Variants in CCDC3 observed in about 807,000 individuals in gnomAD.
The protein encoded by CCDC3 is coiled-coil domain containing 3, also known as coiled-coil domain-containing protein 3.
A neutral mutation model predicts 21.4 loss-of-function variants in CCDC3; 24 were observed. The ratio of observed to expected loss-of-function variants is 1.12; its 90% CI spans 0.81 to 1.58. The LOEUF (loss-of-function observed/expected upper bound fraction) is 1.58. Ranked by LOEUF, CCDC3 falls within the 40% of genes most tolerant of loss-of-function variation. CCDC3 has a pLI of 0.00. For synonymous variants in CCDC3, 186 were observed against 166.0 expected, an observed-to-expected ratio of 1.12 and a Z score of -0.93; for missense variants, 425 against 360.9, an observed-to-expected ratio of 1.18 and a Z score of -1.44.
At chr10:12,923,899 A>C (rs1271343050) in intron 2 of CCDC3, among the ~76,000 whole-genome samples, 1 of 152,204 alleles carries the variant, frequency 6.6e-6, no homozygotes, top group African/African-American at 2.4e-5. Flanking sequence ...TCTGAACTCG[A>C]CACTCCAACC....
chr10:13,012,465 T>G (rs902916328), intron 5 of CCDC3, among the ~76,000 whole-genome samples: 23 of 152,162 alleles, frequency 1.5e-4, no homozygotes, highest in Admixed American at 5.2e-4. Context: ...ATTAGAGAAA[T>G]GCAAATCAAA....
chr10:12,978,265 C>T (rs770101629), intron 2 of CCDC3, among the ~76,000 whole-genome samples: 1 of 152,042 alleles, frequency 6.6e-6, no homozygotes, highest in African/African-American at 2.4e-5. Flanking sequence ...GTGATCCACA[C>T]GCCTCAGCCT....
At chr10:12,913,394 G>C (rs1005901675) in intron 2 of CCDC3, among the ~76,000 whole-genome samples, 2 of 152,138 alleles carry the variant, frequency 1.3e-5, no homozygotes, top group Non-Finnish European at 2.9e-5. Flanking sequence ...TTCATTGTTA[G>C]TGCATAGAAA....
intron 2 of CCDC3, among the ~76,000 whole-genome samples, chr10:12,975,066 G>T (rs1835395695): frequency 6.6e-6 from 1 of 152,184 alleles, no homozygotes; most frequent in Non-Finnish European, 1.5e-5. Flanking sequence ...GCAAAGCCAG[G>T]AGTCTCGTCC....
At chr10:13,046,961 AAG>A (rs918265842) in intron 5 of CCDC3, among the ~76,000 whole-genome samples, 6 of 151,230 alleles carry the variant, frequency 4.0e-5, no homozygotes, top group Non-Finnish European at 7.4e-5. Context: ...AAAAAAAAAA[AAG>A]AAGAAGCCAA....
At chr10:12,973,033 G>T (rs745906279) in intron 2 of CCDC3, among the ~76,000 whole-genome samples, 12 of 152,110 alleles carry the variant, frequency 7.9e-5, no homozygotes, top group Non-Finnish European at 1.8e-4. Flanking sequence ...CCTTGCTTTT[G>T]AAACTGTTGT....
At chr10:13,061,191 C>T (rs1294862580) in intron 4 of CCDC3, among the ~76,000 whole-genome samples, 2 of 152,120 alleles carry the variant, frequency 1.3e-5, no homozygotes, top group Non-Finnish European at 2.9e-5. Context: ...TATGGATTTT[C>T]CAGCCATTCT....
chr10:12,933,426 G>C (rs1002868206), intron 2 of CCDC3, among the ~76,000 whole-genome samples: 17 of 151,228 alleles, frequency 1.1e-4, no homozygotes, highest in African/African-American at 4.1e-4. Flanking sequence ...TATCAGATTG[G>C]TGGGCATAGA....
intron 5 of CCDC3, among the ~76,000 whole-genome samples, chr10:13,045,443 C>A (rs965058940): frequency 6.6e-6 from 1 of 152,010 alleles, no homozygotes; most frequent in African/African-American, 2.4e-5. Context: ...TCCTGGCTAA[C>A]AAAGTGAAAC....
In CCDC3 at chr10:12,915,186, TTTCTGGTTTC is replaced by T. The variant is rs1834332310; in HGVS notation, c.550-16517_550-16508del. Among the ~76,000 whole-genome samples, 5 of 152,326 alleles carry T rather than the reference TTTCTGGTTTC, an allele frequency of 3.3e-5. No individual in the cohort carries two copies. In the South Asian group the frequency reaches 1.0e-3, roughly 32 times the overall value. ...AGAATTTTTCTGAAACCAGAATTGA[TTTCTGGTTTC>T]AAACGATTGTGGTTAAAAAAGATAC... On this transcript the variant is annotated intron_variant, in intron 2 of 2. Coordinates refer to ENST00000378825, the MANE Select transcript of CCDC3 (RefSeq NM_031455.4).
chr10:13,027,647 G>A (rs1836240517), intron 5 of CCDC3, among the ~76,000 whole-genome samples: 2 of 151,494 alleles, frequency 1.3e-5, no homozygotes, highest in South Asian at 4.2e-4. Flanking sequence ...GGAGTTTGAG[G>A]CTGCAGTGAG....
rs145926063 is a variant in CCDC3, at chr10:13,042,440, T to C, written c.-2+7234A>G. Among the ~76,000 whole-genome samples, 1,222 of 152,326 alleles carry C rather than the reference T, an allele frequency of 8.0e-3. 17 individuals are homozygous for C. Among genetic ancestry groups the C allele is most frequent in the East Asian group, 0.037 (191 of 5,186 alleles). On this transcript the variant is annotated intron_variant, in intron 5 of 6. Coordinates refer to the CCDC3 transcript ENST00000378839. ...TCCATAAGGTGGTCCCATGGCCCAG[T>C]TGATGAGGTTGGTTATCCGGTATGA...
At chr10:12,939,640 GAT>G in intron 2 of CCDC3, among the ~76,000 whole-genome samples, 1 of 5,256 alleles carries the variant, frequency 1.9e-4, no homozygotes, top group Non-Finnish European at 4.0e-4. Flanking sequence ...ATTCTGTCCA[GAT>G]GAGATACCCT....
intron 4 of CCDC3, among the ~76,000 whole-genome samples, chr10:13,051,603 C>T (rs544191073): frequency 3.3e-5 from 5 of 152,240 alleles, no homozygotes; most frequent in East Asian, 1.9e-4. Flanking sequence ...ACACTGTCCC[C>T]GGGTGGGACA....
At position 12,896,716 on chromosome 10, in the gene CCDC3, T is replaced by G. The variant is rs1013402021; in HGVS notation, c.*1700A>C. ...CTTCCATGGTTCTCCAAGCACGGGC[T>G]GTACATTACCCTTAGGCTGACCATT... On this transcript the variant is annotated 3_prime_UTR_variant, in exon 3 of 3. Coordinates refer to ENST00000378825, the MANE Select transcript of CCDC3 (RefSeq NM_031455.4). 3 of 152,752 alleles carry G rather than the reference T, an allele frequency of 2.0e-5. No individual in the cohort carries two copies. Among genetic ancestry groups the G allele is most frequent in the Non-Finnish European group, 2.9e-5 (2 of 68,096 alleles). The allele number at this position is 152,752 out of a possible 1,614,324, so 9.5% of individuals were successfully genotyped here.
intron 2 of CCDC3, among the ~76,000 whole-genome samples, chr10:12,948,613 G>C (rs1201700709): frequency 6.6e-6 from 1 of 151,810 alleles, no homozygotes; most frequent in Non-Finnish European, 1.5e-5. Context: ...TTGTCAAATA[G>C]AGTTTGCCCT....
intron 3 of CCDC3, among the ~76,000 whole-genome samples, chr10:13,091,949 T>C (rs971398209): frequency 1.3e-5 from 2 of 151,970 alleles, no homozygotes; most frequent in African/African-American, 2.4e-5. Context: ...CCACCTGAAA[T>C]TGAAAGGACA....
At chr10:13,041,565 G>A (rs377616701) in intron 5 of CCDC3, among the ~76,000 whole-genome samples, 143 of 119,408 alleles carry the variant, frequency 1.2e-3, no homozygotes, top group African/African-American at 4.5e-3. Flanking sequence ...TCACTCTGTC[G>A]CCCAGGCTGG....
chr10:13,098,673 A>G (rs1460962535), intron 2 of CCDC3: 1 of 145,716 alleles, frequency 6.9e-6, no homozygotes, highest in Non-Finnish European at 1.5e-5. Context: ...TATTTTTCCA[A>G]GCCCTTTTCA....
Sources: gnomAD v4.1 joint callset for allele counts (sites outside exome capture counted in the v4.1 genomes callset) on GRCh38, gnomAD v4.1.1 for gene constraint, MANE v1.5 for transcripts, NCBI Gene and HGNC (gene_info 2026-07-23, HGNC 2026-07-21) for gene names.